The following SORBS2 variants were observed in gnomAD, a reference collection of about 807,000 sequenced individuals.
SORBS2 encodes sorbin and SH3 domain-containing protein 2.
A neutral mutation model predicts 97.7 loss-of-function variants in SORBS2; 46 were observed. The observed-to-expected ratio is 0.47, with a 90% CI of 0.37 to 0.60. The LOEUF (loss-of-function observed/expected upper bound fraction) is 0.60, where lower values mean the gene tolerates loss of function less well. SORBS2 is among the 20% of genes least tolerant of loss of function. SORBS2 has a pLI of 0.00. For synonymous variants in SORBS2, 476 were observed against 473.4 expected, an observed-to-expected ratio of 1.01 and a Z score of -0.07; for missense variants, 1,316 against 1,282.3, an observed-to-expected ratio of 1.03 and a Z score of -0.40.
At chr4:185,753,759 T>G (rs891905428) in intron 2 of SORBS2, among the ~76,000 whole-genome samples, 5 of 152,216 alleles carry the variant, frequency 3.3e-5, no homozygotes, top group Non-Finnish European at 5.9e-5. Flanking sequence ...TCTTGTATTC[T>G]TTCAAAATCA....
chr4:185,751,190 A>AAAAAAAAAAAAAAAAAAAAGAG lies in SORBS2; in HGVS notation c.-198+24036_-198+24037insCTCTTTTTTTTTTTTTTTTTTT. Among the ~76,000 whole-genome samples the AAAAAAAAAAAAAAAAAAAAGAG allele has an allele frequency of 1.1e-3, 98 of 86,468 alleles. 6 individuals are homozygous for AAAAAAAAAAAAAAAAAAAAGAG. Among genetic ancestry groups the AAAAAAAAAAAAAAAAAAAAGAG allele is most frequent in the Non-Finnish European group, 1.6e-3 (62 of 39,672 alleles). The allele number at this position is 86,468 out of a possible 152,430, so 56.7% of individuals were successfully genotyped here. A position where few individuals can be genotyped will look rare whatever the true frequency, so the allele number is the denominator to read the frequency against. On this transcript the variant is annotated intron_variant, in intron 2 of 20. Transcript: ENST00000284776. ...TAAATACTAAAAAAAAAAAAAAAAA[A>AAAAAAAAAAAAAAAAAAAAGAG]AGAGAAAGAGAGAGAAATTCAGGAA...
chr4:185,723,199 C>T (rs2098529629), intron 2 of SORBS2, among the ~76,000 whole-genome samples: 1 of 152,168 alleles, frequency 6.6e-6, no homozygotes, highest in Admixed American at 6.5e-5. Flanking sequence ...ATTTGGGGCA[C>T]AACTCTGGCC....
intron 1 of SORBS2, among the ~76,000 whole-genome samples, chr4:185,948,510 A>ATTTTTTT (rs34637572): frequency 9.1e-5 from 8 of 87,762 alleles, no homozygotes; most frequent in Admixed American, 1.5e-4. Context: ...ATGAATTTCA[A>ATTTTTTT]TTTTTTTTTT....
intron 2 of SORBS2, among the ~76,000 whole-genome samples, chr4:185,740,904 A>C (rs1435189659): frequency 6.6e-6 from 1 of 152,060 alleles, no homozygotes; most frequent in African/African-American, 2.4e-5. Flanking sequence ...AACTCGGACC[A>C]GCACTAACTC....
intron 2 of SORBS2, among the ~76,000 whole-genome samples, 176 bp from the exon 11 acceptor site, chr4:185,652,004 T>G (rs1447995243): frequency 1.3e-5 from 2 of 152,138 alleles, no homozygotes; most frequent in Non-Finnish European, 2.9e-5. Flanking sequence ...TTTTACCCTG[T>G]CGTCCAGTCT....
At chr4:185,642,451 G>A (rs1318359682) in intron 4 of SORBS2, among the ~76,000 whole-genome samples, 1 of 151,216 alleles carries the variant, frequency 6.6e-6, no homozygotes, top group African/African-American at 2.4e-5. Context: ...CATATCCAAT[G>A]CAATGGGATA....
chr4:185,629,564 G>GT (rs397880846), intron 5 of SORBS2, among the ~76,000 whole-genome samples: 7,443 of 135,664 alleles, frequency 0.055, 717 homozygotes, highest in African/African-American at 0.19. Flanking sequence ...TTTGTGATTT[G>GT]TTTTTTTTTT....
intron 2 of SORBS2, among the ~76,000 whole-genome samples, chr4:185,685,370 T>A (rs2097936212): frequency 6.6e-6 from 1 of 152,146 alleles, no homozygotes; most frequent in Non-Finnish European, 1.5e-5. Context: ...GTATGATACA[T>A]TTTTTTAGGA....
In SORBS2 at chr4:185,612,424, T is replaced by G. The variant is rs376983153; in HGVS notation, c.2596-444A>C. Among the ~76,000 whole-genome samples, 64 of 152,180 alleles carry G rather than the reference T, an allele frequency of 4.2e-4. 1 individual carries two copies. In the South Asian group the frequency reaches 0.013, roughly 32 times the overall value. Reference sequence around the variant, plus strand: ...GCTTGCTGTGAGGGTCTGTCTGAAATGGGTTACAGAAAACACCTCTAGAAG... The same window carrying G: ...GCTTGCTGTGAGGGTCTGTCTGAAAGGGGTTACAGAAAACACCTCTAGAAG... On this transcript the variant is annotated intron_variant, in intron 11 of 14. Transcript: ENST00000418609.
Position 185,827,069 on chromosome 4 carries a change from C to T in SORBS2, c.-337-51703G>A, listed in dbSNP as rs200465509. Among the ~76,000 whole-genome samples the T allele has an allele frequency of 1.9e-3, 272 of 141,830 alleles. 1 individual carries two copies. The highest frequency in any genetic ancestry group is 6.6e-3 in the African/African-American group (252 of 38,208). 93.0% of individuals were successfully genotyped at this position (141,830 alleles called of 152,430 possible). On this transcript the variant is annotated intron_variant, in intron 1 of 20. Transcript: ENST00000284776. ...ACCACCATCACCATCATCATCATCA[C>T]CATCATCATCACCATCATCACCATC... is the stretch of plus-strand genomic sequence containing the variant.
intron 12 of SORBS2, among the ~76,000 whole-genome samples, chr4:185,597,507 C>T (rs1427861316): frequency 2.6e-5 from 4 of 152,080 alleles, no homozygotes; most frequent in South Asian, 2.1e-4. Context: ...TTTCTTAATA[C>T]GACAAATAGG....
upstream of SORBS2, among the ~76,000 whole-genome samples, chr4:185,658,999 G>C (rs1264021120): frequency 6.6e-6 from 1 of 151,928 alleles, no homozygotes; most frequent in Non-Finnish European, 1.5e-5. Context: ...AGCCACCGTG[G>C]CCGGCCATAA....
chr4:185,705,188 C>T lies in SORBS2; in HGVS notation c.-197-26366G>A, dbSNP rs142374317. Reference sequence around the variant, plus strand: ...AGTACAGGACTACCCAGAAGTTGGTCGATATTAAAGCCTCAAAGGAATCAT... The same window carrying T: ...AGTACAGGACTACCCAGAAGTTGGTTGATATTAAAGCCTCAAAGGAATCAT... On this transcript the variant is annotated intron_variant, in intron 2 of 20. Coordinates refer to the SORBS2 transcript ENST00000284776. 4.6e-3 allele frequency among the ~76,000 whole-genome samples: 704 copies of T among 152,238 alleles called. 4 individuals are homozygous for T. The highest frequency in any genetic ancestry group is 0.016 in the African/African-American group (650 of 41,544).
chr4:185,712,288 G>A (rs770997730), intron 2 of SORBS2, among the ~76,000 whole-genome samples: 3 of 152,140 alleles, frequency 2.0e-5, no homozygotes, highest in African/African-American at 4.8e-5. Flanking sequence ...ACAGCTTGAC[G>A]GCGTAACTTC....
Position 185,623,733 on chromosome 4 carries a change from C to T in SORBS2, c.1396G>A (p.Gly466Ser), listed in dbSNP as rs368306897. The change falls in exon 7 of 15, where the codon GGC (glycine) becomes AGC (serine). Residue 466 changes from glycine to serine, a missense_variant. Physicochemically the swap from Gly to Ser is moderately conservative, Grantham distance 56. Coordinates refer to ENST00000418609, the Ensembl canonical transcript of SORBS2. This position sits in a 1 kb window ranked among gnomAD's most constrained non-coding sequence, Gnocchi z 6.4. ...CCTCGCCGGCCCCGAGCGGGGGGGCCGCTTTGATTTTCTTCCTCCAGCAAA... is the reference window on the plus strand; with the variant it reads ...CCTCGCCGGCCCCGAGCGGGGGGGCTGCTTTGATTTTCTTCCTCCAGCAAA... 16 of 1,613,934 alleles carry T rather than the reference C, an allele frequency of 9.9e-6. No individual in the cohort carries two copies. The highest frequency in any genetic ancestry group is 8.0e-5 in the African/African-American group (6 of 74,908).
intron 1 of SORBS2, among the ~76,000 whole-genome samples, chr4:185,886,832 C>T (rs1489479204): frequency 6.6e-6 from 1 of 152,166 alleles, no homozygotes; most frequent in Non-Finnish European, 1.5e-5. Context: ...ACAATATCAC[C>T]CTTTTCAAAT....
chr4:185,757,027 C>T, intron 2 of SORBS2: 1 of 892,510 alleles, frequency 1.1e-6, no homozygotes, highest in African/African-American at 1.6e-5. Flanking sequence ...TGAGTGGCAT[C>T]AATGTCTTGC....
intron 2 of SORBS2, among the ~76,000 whole-genome samples, chr4:185,742,344 C>T (rs1266632588): frequency 2.0e-5 from 3 of 152,360 alleles, no homozygotes; most frequent in South Asian, 2.1e-4. Flanking sequence ...AATCTCATTG[C>T]CACCATTGAT....
At chr4:185,791,902 G>A (rs779880617) in intron 1 of SORBS2, among the ~76,000 whole-genome samples, 3 of 152,026 alleles carry the variant, frequency 2.0e-5, no homozygotes, top group Non-Finnish European at 4.4e-5. Context: ...CTTAATCCAG[G>A]GGTAAAACCA....
Sources: gnomAD v4.1 joint callset for allele counts (sites outside exome capture counted in the v4.1 genomes callset) on GRCh38, gnomAD v4.1.1 for gene constraint, Gnocchi (gnomAD v3.1) non-coding constraint, MANE v1.5 for transcripts, NCBI Gene and HGNC (gene_info 2026-07-23, HGNC 2026-07-21) for gene names.